Variants in EBF2 observed in about 807,000 individuals in gnomAD.
The protein encoded by EBF2 is EBF transcription factor 2, also known as transcription factor COE2.
Under a neutral mutation model 72.8 loss-of-function variants are expected in EBF2, and 21 were observed. The ratio of observed to expected loss-of-function variants is 0.29; its 90% CI spans 0.20 to 0.42. The LOEUF (loss-of-function observed/expected upper bound fraction) is 0.42. Among genes scored for constraint, EBF2 ranks in the 10% least tolerant of loss-of-function variants. EBF2 has a pLI of 1.00. For missense variants in EBF2, 637 were observed against 731.2 expected, an observed-to-expected ratio of 0.87 and a Z score of 1.49; for synonymous variants, 299 against 274.2, an observed-to-expected ratio of 1.09 and a Z score of -0.89.
intron 6 of EBF2, among the ~76,000 whole-genome samples, chr8:25,952,530 C>T (rs987176902): frequency 3.3e-5 from 5 of 152,228 alleles, no homozygotes; most frequent in East Asian, 1.9e-4. Flanking sequence ...GGGGATTTTG[C>T]GAAGTGGCCA....
At chr8:25,905,162 T>C (rs1361393119) in intron 7 of EBF2, among the ~76,000 whole-genome samples, 1 of 152,128 alleles carries the variant, frequency 6.6e-6, no homozygotes, top group Non-Finnish European at 1.5e-5. Context: ...TTCACACCCA[T>C]AGGATGACTA....
At chr8:26,010,038 T>C (rs1415596774) in intron 6 of EBF2, among the ~76,000 whole-genome samples, 2 of 152,268 alleles carry the variant, frequency 1.3e-5, no homozygotes, top group African/African-American at 2.4e-5. Context: ...TTTGCTTTTA[T>C]AAATAAACCT....
At chr8:25,899,163 G>A (rs1388685220) in intron 7 of EBF2, among the ~76,000 whole-genome samples, 1 of 151,878 alleles carries the variant, frequency 6.6e-6, no homozygotes, top group Non-Finnish European at 1.5e-5. Flanking sequence ...GCAGAGAAAA[G>A]CCTGAAGTCA....
chr8:25,951,468 C>T (rs1460745014), intron 6 of EBF2, among the ~76,000 whole-genome samples: 2 of 152,230 alleles, frequency 1.3e-5, no homozygotes, highest in African/African-American at 4.8e-5. Context: ...ATGGAATCCA[C>T]CCCCTCACTT....
chr8:25,888,692 C>A (rs1802731034), intron 8 of EBF2, among the ~76,000 whole-genome samples: 2 of 152,190 alleles, frequency 1.3e-5, no homozygotes, highest in Non-Finnish European at 2.9e-5. Context: ...CCACTTCTTC[C>A]ATATGCTCCA....
At chr8:25,989,716 T>C (rs953262833) in intron 6 of EBF2, among the ~76,000 whole-genome samples, 3 of 152,216 alleles carry the variant, frequency 2.0e-5, no homozygotes, top group Admixed American at 6.5e-5. Flanking sequence ...GTGTATTCCA[T>C]GTAAATAACA....
chr8:26,026,963 A>G (rs1458591160), intron 6 of EBF2, among the ~76,000 whole-genome samples: 3 of 152,176 alleles, frequency 2.0e-5, no homozygotes, highest in Admixed American at 6.5e-5. Context: ...CCAACATACA[A>G]TAAGTGCCAA....
At chr8:25,998,957 C>T (rs927320468) in intron 6 of EBF2, among the ~76,000 whole-genome samples, 11 of 151,996 alleles carry the variant, frequency 7.2e-5, no homozygotes, top group African/African-American at 1.9e-4. Context: ...CACTGAGTAA[C>T]TAGTATAGGG....
chr8:25,916,944 A>G (rs1803227165), intron 6 of EBF2, among the ~76,000 whole-genome samples: 1 of 152,192 alleles, frequency 6.6e-6, no homozygotes, highest in African/African-American at 2.4e-5. Flanking sequence ...GACATCAGGA[A>G]GGAGCTACTT....
chr8:25,962,783 T>C (rs1242743602), intron 6 of EBF2, among the ~76,000 whole-genome samples: 2 of 152,252 alleles, frequency 1.3e-5, no homozygotes, highest in Non-Finnish European at 2.9e-5. Flanking sequence ...GGTGTCTTAC[T>C]GGAGACAAGC....
At chr8:25,977,074 C>A (rs949639844) in intron 6 of EBF2, among the ~76,000 whole-genome samples, 8 of 152,148 alleles carry the variant, frequency 5.3e-5, no homozygotes, top group African/African-American at 1.9e-4. Context: ...CAGGTCTGAG[C>A]TGTTATCTGA....
intron 6 of EBF2, among the ~76,000 whole-genome samples, chr8:25,986,471 T>C (rs1359755463): frequency 6.6e-6 from 1 of 152,206 alleles, no homozygotes; most frequent in Non-Finnish European, 1.5e-5. Context: ...GGCAGTTCTG[T>C]CATGTCCACC....
chr8:25,850,447 T>G, intron 15 of EBF2, 147 bp downstream of exon 15: 2 of 1,001,752 alleles, frequency 2.0e-6, no homozygotes, highest in South Asian at 5.1e-5. Flanking sequence ...CTTGCCTAGC[T>G]GTAGAAGCCA....
intron 10 of EBF2, among the ~76,000 whole-genome samples, chr8:25,878,422 T>G (rs889510491): frequency 6.6e-6 from 1 of 152,030 alleles, no homozygotes; most frequent in Non-Finnish European, 1.5e-5. Flanking sequence ...GTGACCAGAG[T>G]GAGGACTCAG....
At chr8:25,941,827 A>G (rs895522574) in intron 6 of EBF2, among the ~76,000 whole-genome samples, 38 of 152,170 alleles carry the variant, frequency 2.5e-4, no homozygotes, top group African/African-American at 8.7e-4. Flanking sequence ...TTCATTATTT[A>G]TGACACCCTG....
chr8:25,849,578 G>A (rs1801917228), intron 15 of EBF2, among the ~76,000 whole-genome samples: 1 of 152,088 alleles, frequency 6.6e-6, no homozygotes, highest in South Asian at 2.1e-4. Context: ...AAGAACATGA[G>A]AGGAGCAGCC....
intron 10 of EBF2, among the ~76,000 whole-genome samples, chr8:25,873,587 C>A (rs1002627205): frequency 6.6e-6 from 1 of 152,078 alleles, no homozygotes; most frequent in Non-Finnish European, 1.5e-5. Context: ...AACAAGAATA[C>A]GAGGAGAGAA....
At chr8:25,882,633 G>A (rs967099786) in intron 10 of EBF2, among the ~76,000 whole-genome samples, 1 of 152,194 alleles carries the variant, frequency 6.6e-6, no homozygotes, top group African/African-American at 2.4e-5. Context: ...GCCAGGCACT[G>A]TATCATTTAG....
rs910010945 is a variant in EBF2 at position 25,841,730 on chromosome 8, A to G, written c.*2879T>C. On this transcript the variant is annotated 3_prime_UTR_variant, in exon 16 of 16. Transcript: ENST00000520164. ...AAAAAGCAAAGGTCCACTCATTTTT[A>G]CAGTACAAAAATTTTATTTTTTTGT... The G allele has an allele frequency of 2.0e-5, 3 of 152,188 alleles. No homozygotes were observed. Among genetic ancestry groups the G allele is most frequent in the African/African-American group, 7.2e-5 (3 of 41,462 alleles). The allele number at this position is 152,188 out of a possible 1,614,324, so 9.4% of individuals were successfully genotyped here.
Sources: gnomAD v4.1 joint callset for allele counts (sites outside exome capture counted in the v4.1 genomes callset) on GRCh38, gnomAD v4.1.1 for gene constraint, MANE v1.5 for transcripts, NCBI Gene and HGNC (gene_info 2026-07-23, HGNC 2026-07-21) for gene names.